CSPP1: variants seen among roughly 807,000 people sequenced by gnomAD.
CSPP1 encodes the protein centrosome and spindle pole associated protein 1.
A neutral mutation model predicts 164.4 loss-of-function variants in CSPP1; 126 were observed. The observed-to-expected ratio is 0.77, with a 90% confidence interval of 0.66 to 0.89. CSPP1 has a LOEUF of 0.89. CSPP1 is among the 40% of genes least tolerant of loss of function. The pLI, the probability that CSPP1 is intolerant of heterozygous loss-of-function variation, is 0.00. For missense variants in CSPP1, 1,395 were observed against 1,449.8 expected (o/e 0.96, Z 0.61); for synonymous variants, 472 against 476.7 (o/e 0.99, Z 0.13).
chr8:67,185,021 C>T (rs1045481012), intron 28 of CSPP1, among the ~76,000 whole-genome samples: 6 of 147,440 alleles, frequency 4.1e-5, no homozygotes, highest in Non-Finnish European at 7.4e-5. Flanking sequence ...AGGAGAATGG[C>T]GTGAACCCGG....
chr8:67,175,181 C>T, intron 25 of CSPP1, 115 bp from the exon 26 acceptor site: 2 of 752,874 alleles, frequency 2.7e-6, no homozygotes, highest in South Asian at 3.5e-5. Context: ...TTCACTATTT[C>T]TATCATTTCC....
chr8:67,166,153 G>A (rs1369137394), intron 24 of CSPP1, among the ~76,000 whole-genome samples: 1 of 152,038 alleles, frequency 6.6e-6, no homozygotes, highest in East Asian at 1.9e-4. Context: ...CTTCTTTCCA[G>A]ATGCCTCAGG....
intron 3 of CSPP1, among the ~76,000 whole-genome samples, chr8:67,083,164 TGTCAA>T (rs1239591073): frequency 6.6e-6 from 1 of 152,176 alleles, no homozygotes; most frequent in Non-Finnish European, 1.5e-5. Context: ...TATTGTTACT[TGTCAA>T]GACAATTTTA....
chr8:67,181,461 A>T (rs942284738), intron 28 of CSPP1, among the ~76,000 whole-genome samples: 9 of 150,900 alleles, frequency 6.0e-5, no homozygotes, highest in Non-Finnish European at 1.2e-4. Context: ...GGGAAATGAG[A>T]CCTTCCTTCC....
intron 18 of CSPP1, among the ~76,000 whole-genome samples, chr8:67,152,298 T>G (rs1336839560): frequency 1.3e-5 from 2 of 152,136 alleles, no homozygotes; most frequent in Non-Finnish European, 2.9e-5. Flanking sequence ...AGCTGAAAAT[T>G]GAATGTTACA....
intron 17 of CSPP1, among the ~76,000 whole-genome samples, chr8:67,138,859 C>G (rs538405565): frequency 3.3e-5 from 5 of 151,530 alleles, no homozygotes; most frequent in Non-Finnish European, 3.0e-5. Flanking sequence ...ACATGAAGTC[C>G]TTGCCCATGC....
chr8:67,153,893 C>T, intron 18 of CSPP1, 131 bp from the exon 19 acceptor site: 2 of 543,150 alleles, frequency 3.7e-6, no homozygotes, highest in Non-Finnish European at 6.5e-6. Context: ...CTCAACCTTC[C>T]CCTTCTGATT....
At chr8:67,156,789 A>G (rs1416751201) in intron 19 of CSPP1, among the ~76,000 whole-genome samples, 1 of 152,248 alleles carries the variant, frequency 6.6e-6, no homozygotes, top group Non-Finnish European at 1.5e-5. Context: ...GTGAATATTA[A>G]TAACACTTGT....
At chr8:67,090,827 G>A (rs1811460170) in intron 4 of CSPP1, among the ~76,000 whole-genome samples, 1 of 152,140 alleles carries the variant, frequency 6.6e-6, no homozygotes, top group African/African-American at 2.4e-5. Flanking sequence ...ATAAATAAAA[G>A]GCATGGAATT....
chr8:67,080,807 T>C (rs1042657091), intron 3 of CSPP1: 2 of 152,252 alleles, frequency 1.3e-5, no homozygotes, highest in Non-Finnish European at 2.9e-5. Flanking sequence ...TAATTATCTG[T>C]TAGTCTCAGG....
At chr8:67,184,365 CAA>C (rs1013896181) in intron 28 of CSPP1, among the ~76,000 whole-genome samples, 3 of 152,020 alleles carry the variant, frequency 2.0e-5, no homozygotes, top group African/African-American at 7.2e-5. Flanking sequence ...TCAATGAAAC[CAA>C]GAGTTATTTC....
chr8:67,094,457 A>G (rs1812308595), intron 6 of CSPP1, among the ~76,000 whole-genome samples: 1 of 151,626 alleles, frequency 6.6e-6, no homozygotes, highest in Non-Finnish European at 1.5e-5. Flanking sequence ...TATTTTTAGT[A>G]GAGTTGGGGT....
intron 16 of CSPP1, among the ~76,000 whole-genome samples, chr8:67,136,770 C>A (rs1260759536): frequency 6.6e-6 from 1 of 151,544 alleles, no homozygotes; most frequent in East Asian, 2.0e-4. Flanking sequence ...TGTGGCTGGG[C>A]ATTCCCCTTG....
chr8:67,170,804 TGA>T (rs1190439910), intron 24 of CSPP1, among the ~76,000 whole-genome samples: 3 of 152,068 alleles, frequency 2.0e-5, no homozygotes, highest in African/African-American at 7.2e-5. Flanking sequence ...TATTTATTTT[TGA>T]GACGGCTTCT....
intron 13 of CSPP1, 38 bp from the exon 14 acceptor site, chr8:67,118,209 GA>G (rs1818302927): frequency 3.1e-6 from 5 of 1,606,696 alleles, no homozygotes; most frequent in Non-Finnish European, 4.3e-6. Flanking sequence ...AAATTGCAAT[GA>G]AATATGAGAG....
chr8:67,157,488 G>C (rs545086399), intron 19 of CSPP1: 1 of 152,112 alleles, frequency 6.6e-6, no homozygotes, highest in Non-Finnish European at 1.5e-5. Flanking sequence ...TAGAGACGGG[G>C]TTACACCATG....
At position 67,172,406 on chromosome 8, in the gene CSPP1, TTATC is replaced by T. The variant is rs1239951735; in HGVS notation, c.2829-6_2829-3del. ...TGAAGCACATATTATGATTTGTCAT[TTATC>T]TATAGGAAAAAGGAAAGGAATCCCA... On this transcript the variant is annotated splice_region_variant and splice_polypyrimidine_tract_variant and intron_variant, in intron 24 of 30. Coordinates refer to ENST00000678616, the MANE Select transcript of CSPP1 (RefSeq NM_001382391.1). The T allele has an allele frequency of 4.4e-6, 7 of 1,605,040 alleles. No individual in the cohort carries two copies. The highest frequency in any genetic ancestry group is 2.7e-5 in the African/African-American group (2 of 74,758).
intron 28 of CSPP1, among the ~76,000 whole-genome samples, chr8:67,190,236 C>T (rs987894009): frequency 6.6e-6 from 1 of 152,184 alleles, no homozygotes; most frequent in African/African-American, 2.4e-5. Context: ...GAGTATTATT[C>T]AGCAGTAAAA....
chr8:67,094,747 A>C (rs1490959252), intron 6 of CSPP1, among the ~76,000 whole-genome samples: 2 of 152,100 alleles, frequency 1.3e-5, no homozygotes, highest in Non-Finnish European at 2.9e-5. Context: ...AGAATATGTA[A>C]ACCACAATCA....
Sources: allele counts gnomAD v4.1 joint callset (sites outside exome capture counted in the v4.1 genomes callset), GRCh38; gene constraint gnomAD v4.1.1; transcripts MANE v1.5; gene names NCBI Gene and HGNC (gene_info 2026-07-23, HGNC 2026-07-21).